The following MON2 variants were observed in gnomAD, a reference collection of about 807,000 sequenced individuals.
The protein encoded by MON2 is MON2 regulator of endosome-to-Golgi trafficking.
A neutral mutation model predicts 208.6 loss-of-function variants in MON2; 84 were observed. That is an observed-to-expected ratio of 0.40 (90% CI 0.34 to 0.48). The LOEUF (loss-of-function observed/expected upper bound fraction) is 0.48, where lower values mean the gene tolerates loss of function less well. Ranked by LOEUF, MON2 falls within the 20% of genes least tolerant of loss-of-function variation. The probability of loss-of-function intolerance (pLI) is 0.59; values close to 1 mark genes in which losing one functional copy is unlikely to be tolerated. For synonymous variants in MON2, 660 were observed against 694.0 expected (o/e 0.95, Z 0.77); for missense variants, 1,611 against 2,015.4 (o/e 0.80, Z 3.84).
intron 8 of MON2, among the ~76,000 whole-genome samples, chr12:62,516,724 A>ATAAG (rs1255475178): frequency 2.6e-5 from 4 of 152,146 alleles, no homozygotes; most frequent in Non-Finnish European, 5.9e-5. Flanking sequence ...AAATAAATAA[A>ATAAG]TAAGTATAAT....
intron 24 of MON2, chr12:62,553,379 C>G: frequency 2.1e-6 from 1 of 474,066 alleles, no homozygotes; most frequent in Non-Finnish European, 3.7e-6. Context: ...CTGTTTCTGT[C>G]TTCATCTCTT....
chr12:62,536,047 G>C (rs11174537), intron 14 of MON2, among the ~76,000 whole-genome samples: 18,188 of 152,050 alleles, frequency 0.12, 1,367 homozygotes, highest in Middle Eastern at 0.25. Flanking sequence ...AAATGCATAA[G>C]TATATATAAT....
At chr12:62,541,562 A>AAT (rs2073244945) in intron 19 of MON2, among the ~76,000 whole-genome samples, 1 of 152,186 alleles carries the variant, frequency 6.6e-6, no homozygotes, top group Admixed American at 6.5e-5. Context: ...ATTTAGTGGT[A>AAT]ATATACCCTT....
At chr12:62,572,596 C>T (rs894835774) in intron 30 of MON2, among the ~76,000 whole-genome samples, 1 of 152,114 alleles carries the variant, frequency 6.6e-6, no homozygotes, top group Non-Finnish European at 1.5e-5. Context: ...CAAGTGCACA[C>T]CACCACACCT....
In MON2 at chr12:62,580,305, A is replaced by G. The variant is rs138748859; in HGVS notation, c.4584A>G (p.Gln1528=). Reference sequence around the variant, plus strand: ...TGCCTCTTTTGTTTTAGGTAGTTCAACTTATCAGCAATGAGATACTACCTT... The same window carrying G: ...TGCCTCTTTTGTTTTAGGTAGTTCAGCTTATCAGCAATGAGATACTACCTT... ...RNENIDVEVV[Q]LISNEILPYA... is the part of the protein sequence containing the mutation. Residue 1528 remains glutamine (Q), a synonymous_variant, in exon 32 of 35, where the codon CAA becomes CAG. Coordinates refer to ENST00000393630, the MANE Select transcript of MON2 (RefSeq NM_015026.3). The G allele has an allele frequency of 1.5e-4, 235 of 1,610,276 alleles. 1 individual carries two copies. Among genetic ancestry groups the G allele is most frequent in the South Asian group, 5.2e-4 (47 of 90,330 alleles).
At chr12:62,495,238 C>G (rs954345824) in intron 4 of MON2, 91 bp downstream of exon 4, 9 of 1,139,508 alleles carry the variant, frequency 7.9e-6, no homozygotes, top group Non-Finnish European at 9.8e-6. Flanking sequence ...CCATTTGAAC[C>G]AAAAGCAACT....
At chr12:62,565,497 T>C (rs2074346771) in intron 27 of MON2, 117 bp downstream of exon 27, 1 of 877,556 alleles carries the variant, frequency 1.1e-6, no homozygotes, top group Non-Finnish European at 1.7e-6. Context: ...CTCACAAATA[T>C]ATTTATACAT....
Position 62,596,356 on chromosome 12 carries a change from CACTT to C in MON2, c.*3610_*3613del, listed in dbSNP as rs1345550253. 2 of 152,176 alleles carry C rather than the reference CACTT, an allele frequency of 1.3e-5. No individual in the cohort carries two copies. Among genetic ancestry groups the C allele is most frequent in the Non-Finnish European group, 2.9e-5 (2 of 68,024 alleles). The allele number at this position is 152,176 out of a possible 1,614,324, so 9.4% of individuals were successfully genotyped here. Reference sequence around the variant, plus strand: ...TGAAGTCTGTCTAGCCAAGGCAGAACACTTACAGGAGTCCCTAACTGTGCCACCC... The same window carrying C: ...TGAAGTCTGTCTAGCCAAGGCAGAACACAGGAGTCCCTAACTGTGCCACCC... On this transcript the variant is annotated 3_prime_UTR_variant, in exon 35 of 35. Coordinates refer to ENST00000393630, the MANE Select transcript of MON2 (RefSeq NM_015026.3).
intron 30 of MON2, among the ~76,000 whole-genome samples, chr12:62,577,848 T>A (rs999540420): frequency 6.6e-6 from 1 of 152,180 alleles, no homozygotes; most frequent in Non-Finnish European, 1.5e-5. Flanking sequence ...CATTTTACTG[T>A]TCACTCTTAT....
chr12:62,583,648 C>A (rs1431000210), intron 32 of MON2, among the ~76,000 whole-genome samples: 1 of 151,666 alleles, frequency 6.6e-6, no homozygotes, highest in African/African-American at 2.4e-5. Flanking sequence ...AAAAAAAGTT[C>A]AGTATAAAAG....
At chr12:62,534,543 A>ATATATATATATATATATATTT (rs2072850098) in intron 12 of MON2, among the ~76,000 whole-genome samples, 2 of 21,912 alleles carry the variant, frequency 9.1e-5, no homozygotes, top group Admixed American at 7.6e-4. Context: ...AAAAAAAAAA[A>ATATATATATATATATATATTT]TATATATATA....
At chr12:62,502,751 G>T (rs2070908461) in intron 7 of MON2, among the ~76,000 whole-genome samples, 1 of 152,146 alleles carries the variant, frequency 6.6e-6, no homozygotes, top group Admixed American at 6.5e-5. Flanking sequence ...GGGTCCCTTA[G>T]TTATTAGGTC....
At chr12:62,552,811 A>G (rs1272669791) in intron 23 of MON2, 70 bp from the exon 24 acceptor site, 2 of 1,170,268 alleles carry the variant, frequency 1.7e-6, no homozygotes, top group Non-Finnish European at 2.5e-6. Context: ...TAAAACAGCC[A>G]CATGTTGCAT....
In MON2 at chr12:62,536,695, T is replaced by G. The variant is rs979446057; in HGVS notation, c.1901-456T>G. Among the ~76,000 whole-genome samples, 8 of 132,882 alleles carry G rather than the reference T, an allele frequency of 6.0e-5. No homozygotes were observed. In the East Asian group the frequency reaches 1.6e-3, roughly 26 times the overall value. The allele number at this position is 132,882 out of a possible 152,430, so 87.2% of individuals were successfully genotyped here. A position where few individuals can be genotyped will look rare whatever the true frequency, so the allele number is the denominator to read the frequency against. ...CTCATGAAGTTTTTGTGTTTTTTTG[T>G]TTTTTTTTTTTTGAGACAGAGTCAC... On this transcript the variant is annotated intron_variant, in intron 14 of 34. Transcript: ENST00000393630.
At chr12:62,537,442 C>A (rs1436821250) in intron 15 of MON2, among the ~76,000 whole-genome samples, 160 bp from the exon 16 acceptor site, 1 of 152,204 alleles carries the variant, frequency 6.6e-6, no homozygotes, top group African/African-American at 2.4e-5. Context: ...TATGATAATA[C>A]AACTTTTAAT....
intron 5 of MON2, among the ~76,000 whole-genome samples, chr12:62,500,258 A>C (rs377636105): frequency 1.3e-5 from 2 of 152,194 alleles, no homozygotes; most frequent in Admixed American, 6.5e-5. Context: ...CATAACTTAC[A>C]GAGAATGATA....
intron 1 of MON2, among the ~76,000 whole-genome samples, chr12:62,483,620 G>C (rs906018016): frequency 6.6e-6 from 1 of 152,192 alleles, no homozygotes; most frequent in Non-Finnish European, 1.5e-5. Flanking sequence ...GGAGGCTGAG[G>C]CAGGAGAATG....
At chr12:62,534,977 A>T in intron 13 of MON2, 51 bp downstream of exon 13, 1 of 1,219,534 alleles carries the variant, frequency 8.2e-7, no homozygotes, top group Non-Finnish European at 1.2e-6. Context: ...TAAAAAAAAC[A>T]CATTAAAATG....
chr12:62,550,787 A>G (rs1412774766), intron 23 of MON2, among the ~76,000 whole-genome samples: 1 of 151,768 alleles, frequency 6.6e-6, no homozygotes, highest in Non-Finnish European at 1.5e-5. Context: ...GAGGAGAATT[A>G]GGGTCTTTCT....
Sources: gnomAD v4.1 joint callset for allele counts (sites outside exome capture counted in the v4.1 genomes callset) on GRCh38, gnomAD v4.1.1 for gene constraint, MANE v1.5 for transcripts, NCBI Gene and HGNC (gene_info 2026-07-23, HGNC 2026-07-21) for gene names.